The following UBE2L3 variants were observed in gnomAD, a reference collection of about 807,000 sequenced individuals.
The protein encoded by UBE2L3 is ubiquitin conjugating enzyme E2 L3, also known as ubiquitin-conjugating enzyme E2 L3.
UBE2L3 carries 1 observed loss-of-function variant against 17.8 expected under a neutral mutation model. The ratio of observed to expected loss-of-function variants is 0.06; its 90% confidence interval spans 0.02 to 0.27. The LOEUF is 0.27. Ranked by LOEUF, UBE2L3 falls within the 10% of genes least tolerant of loss-of-function variation. UBE2L3 has a pLI of 1.00. For synonymous variants in UBE2L3, 44 were observed against 68.5 expected (o/e 0.64, Z 1.76); for missense variants, 40 against 192.6 (o/e 0.21, Z 4.69).
rs781448137 is a variant in UBE2L3 at position 21,582,650 on chromosome 22, C to T, written c.28-10211C>T. ...AAGTAATTCTCCTGCCTCAGCCACC[C>T]GAGTAGCTGGGATTACAGGCGCTTG... is the stretch of plus-strand genomic sequence containing the variant. On this transcript the variant is annotated intron_variant, in intron 1 of 3. Coordinates refer to ENST00000342192, the MANE Select transcript of UBE2L3 (RefSeq NM_003347.4). Among the ~76,000 whole-genome samples, 75 of 152,242 alleles carry T rather than the reference C, an allele frequency of 4.9e-4. 1 individual carries two copies. Among genetic ancestry groups the T allele is most frequent in the Middle Eastern group, 6.8e-3 (2 of 292 alleles).
upstream of UBE2L3, among the ~76,000 whole-genome samples, chr22:21,565,082 G>GAT (rs1926580015): frequency 2.0e-5 from 3 of 151,758 alleles, no homozygotes; most frequent in South Asian, 6.3e-4. Context: ...CTTATTCCAG[G>GAT]ATATATATAT....
At chr22:21,613,888 C>T (rs1439767872) in intron 3 of UBE2L3, among the ~76,000 whole-genome samples, 1 of 152,226 alleles carries the variant, frequency 6.6e-6, no homozygotes, top group Non-Finnish European at 1.5e-5. Flanking sequence ...CCCTTCATAG[C>T]ATGGTGGTCT....
chr22:21,595,535 C>T (rs374536876), intron 2 of UBE2L3, among the ~76,000 whole-genome samples: 7 of 152,282 alleles, frequency 4.6e-5, no homozygotes. Flanking sequence ...TGGGTAGCCA[C>T]CTAGCGATTG....
At chr22:21,596,945 G>A (rs1928558965) in intron 2 of UBE2L3, among the ~76,000 whole-genome samples, 2 of 152,048 alleles carry the variant, frequency 1.3e-5, no homozygotes, top group South Asian at 4.1e-4. Context: ...TCATACTAAG[G>A]ATGTAGAACA....
intron 1 of UBE2L3, among the ~76,000 whole-genome samples, chr22:21,569,077 T>A (rs1926811979): frequency 6.6e-6 from 1 of 152,112 alleles, no homozygotes; most frequent in Non-Finnish European, 1.5e-5. Context: ...CCATTAACCC[T>A]TGTGGATTTA....
intron 3 of UBE2L3, among the ~76,000 whole-genome samples, chr22:21,616,623 G>C (rs1929788232): frequency 6.7e-6 from 1 of 150,082 alleles, no homozygotes; most frequent in Non-Finnish European, 1.5e-5. Flanking sequence ...CTGCACTCCA[G>C]CCTGGGTGAC....
intron 1 of UBE2L3, among the ~76,000 whole-genome samples, chr22:21,590,207 A>AT (rs2148420204): frequency 6.6e-6 from 1 of 150,592 alleles, no homozygotes; most frequent in East Asian, 1.9e-4. Flanking sequence ...TTATTTTTTT[A>AT]TTTTTTCGAG....
chr22:21,619,525 A>T (rs373939657), intron 3 of UBE2L3, among the ~76,000 whole-genome samples: 129 of 152,298 alleles, frequency 8.5e-4, no homozygotes, highest in African/African-American at 3.1e-3. Context: ...CACTGTGGTC[A>T]CAGGAGCCCT....
chr22:21,612,489 C>G (rs5998676), intron 3 of UBE2L3, among the ~76,000 whole-genome samples: 2 of 151,464 alleles, frequency 1.3e-5, no homozygotes, highest in Non-Finnish European at 2.9e-5. Context: ...CCACGCCCGG[C>G]TAATTTTTTG....
chr22:21,593,270 CCTT>C (rs1276502339), intron 2 of UBE2L3, among the ~76,000 whole-genome samples: 1 of 152,146 alleles, frequency 6.6e-6, no homozygotes, highest in Non-Finnish European at 1.5e-5. Context: ...ATCAGCAGGA[CCTT>C]CTTCTCTGAG....
At chr22:21,567,564 C>A, upstream of UBE2L3, 1 of 1,367,780 alleles carries the variant, frequency 7.3e-7, no homozygotes, top group Non-Finnish European at 9.8e-7. Flanking sequence ...GAGGCCCAGT[C>A]TGTGCGGTTC....
intron 1 of UBE2L3, among the ~76,000 whole-genome samples, chr22:21,570,756 C>T (rs939744738): frequency 6.6e-6 from 1 of 151,958 alleles, no homozygotes; most frequent in Non-Finnish European, 1.5e-5. Context: ...GATAAACAGT[C>T]TTTTCAGTAC....
chr22:21,614,601 G>T, intron 3 of UBE2L3: 3 of 1,367,492 alleles, frequency 2.2e-6, no homozygotes, highest in Non-Finnish European at 2.9e-6. Context: ...ATCCAGCCTT[G>T]AAGTTCTTTG....
chr22:21,616,667 A>AG (rs1409342552), intron 3 of UBE2L3, among the ~76,000 whole-genome samples: 1 of 151,828 alleles, frequency 6.6e-6, no homozygotes, highest in Non-Finnish European at 1.5e-5. Context: ...CCAAAAAAAA[A>AG]AAAAAAAATT....
intron 3 of UBE2L3, among the ~76,000 whole-genome samples, chr22:21,616,891 A>G (rs963860453): frequency 3.9e-5 from 6 of 151,920 alleles, no homozygotes; most frequent in Non-Finnish European, 8.8e-5. Flanking sequence ...TATTGTTTAC[A>G]TCCGCTATTG....
intron 3 of UBE2L3, among the ~76,000 whole-genome samples, chr22:21,617,542 C>CA (rs2148448646): frequency 6.6e-6 from 1 of 152,210 alleles, no homozygotes; most frequent in African/African-American, 2.4e-5. Flanking sequence ...GCTAGGGTTA[C>CA]AAGTGTGAGC....
At chr22:21,578,298 T>A (rs779325031) in intron 1 of UBE2L3, among the ~76,000 whole-genome samples, 6 of 151,036 alleles carry the variant, frequency 4.0e-5, no homozygotes, top group Non-Finnish European at 5.9e-5. Context: ...AGTCGGAGCT[T>A]GTAGTGAGCC....
chr22:21,571,046 A>G (rs1926936565), intron 1 of UBE2L3, among the ~76,000 whole-genome samples: 1 of 152,226 alleles, frequency 6.6e-6, no homozygotes, highest in Non-Finnish European at 1.5e-5. Flanking sequence ...AGTATGATAA[A>G]GTCTTTTATT....
intron 2 of UBE2L3, among the ~76,000 whole-genome samples, chr22:21,601,389 T>C (rs1418880477): frequency 1.3e-5 from 2 of 151,246 alleles, no homozygotes; most frequent in Non-Finnish European, 2.9e-5. Flanking sequence ...CTCAGCTCAC[T>C]GCAACCTCTG....
Sources: gnomAD v4.1 joint callset for allele counts (sites outside exome capture counted in the v4.1 genomes callset) on GRCh38, gnomAD v4.1.1 for gene constraint, MANE v1.5 for transcripts, NCBI Gene and HGNC (gene_info 2026-07-23, HGNC 2026-07-21) for gene names.